The following SYBU variants were observed in gnomAD, a reference collection of about 807,000 sequenced individuals.
SYBU encodes GOLSYN A protein.
Under a neutral mutation model 35.9 loss-of-function variants are expected in SYBU, and 21 were observed. That is an observed-to-expected ratio of 0.58 (90% CI 0.41 to 0.84). The LOEUF is 0.84. Among genes scored for constraint, SYBU ranks in the 40% least tolerant of loss-of-function variants. The probability of loss-of-function intolerance (pLI) is 0.00; values close to 1 mark genes in which losing one functional copy is unlikely to be tolerated. For synonymous variants in SYBU, 319 were observed against 324.3 expected (o/e 0.98, Z 0.18); for missense variants, 768 against 848.2 (o/e 0.91, Z 1.17).
chr8:109,577,820 G>T (rs780852841), intron 6 of SYBU, 48 bp downstream of exon 6: 9 of 1,500,448 alleles, frequency 6.0e-6, no homozygotes, highest in Non-Finnish European at 7.2e-6. Flanking sequence ...TCATTTTATG[G>T]AGAAAGAAGT....
At chr8:109,658,786 T>A (rs1323149665) in intron 1 of SYBU, among the ~76,000 whole-genome samples, 3 of 152,094 alleles carry the variant, frequency 2.0e-5, no homozygotes, top group African/African-American at 7.2e-5. Context: ...AAACCCCATC[T>A]CTATGAAAAA....
At chr8:109,603,276 ACTCCCACTCATCC>A in intron 3 of SYBU, 1 of 310,114 alleles carries the variant, frequency 3.2e-6, no homozygotes, top group Non-Finnish European at 4.7e-6. Context: ...ATGTTTTTGA[ACTCCCACTCATCC>A]TTCCAAAAAC....
intron 3 of SYBU, among the ~76,000 whole-genome samples, chr8:109,589,254 A>G (rs547483500): frequency 1.3e-5 from 2 of 150,646 alleles, no homozygotes; most frequent in African/African-American, 2.4e-5. Flanking sequence ...CTCCTAACCC[A>G]TATTAGGTGG....
At chr8:109,599,725 GA>G (rs2130018438) in intron 3 of SYBU, among the ~76,000 whole-genome samples, 1 of 152,300 alleles carries the variant, frequency 6.6e-6, no homozygotes, top group South Asian at 2.1e-4. Context: ...CTACTCCAGA[GA>G]AGAAACCTCA....
At chr8:109,625,142 A>G (rs908730422) in intron 2 of SYBU, among the ~76,000 whole-genome samples, 4 of 152,110 alleles carry the variant, frequency 2.6e-5, no homozygotes, top group Non-Finnish European at 4.4e-5. Flanking sequence ...TTTTTAAAAA[A>G]AAAAGTTATG....
chr8:109,592,468 C>T (rs1824397373), intron 3 of SYBU, among the ~76,000 whole-genome samples: 1 of 152,168 alleles, frequency 6.6e-6, no homozygotes, highest in Non-Finnish European at 1.5e-5. Flanking sequence ...CTGCAGCTCT[C>T]ATCTTTGCAG....
rs1815394243 is a variant in SYBU at position 109,644,653 on chromosome 8, G to T, written c.7C>A (p.Pro3Thr). 6.6e-7 allele frequency: 1 copy of T among 1,525,254 alleles called. No homozygotes were observed. Among genetic ancestry groups the T allele is most frequent in the South Asian group, 1.2e-5 (1 of 83,250 alleles). 94.5% of individuals were successfully genotyped at this position (1,525,254 alleles called of 1,614,324 possible). Residue 3 changes from proline (P) to threonine (T), a missense_variant, in exon 1 of 7, where the codon CCC (proline) becomes ACC (threonine). Coordinates refer to ENST00000276646, the MANE Select transcript of SYBU (RefSeq NM_001099754.2). The part of the protein sequence containing the change: MG[P>T]LRESKKEHRV... ...CTCCTTACCTTGCTCTCGCGGAGGG[G>T]CCCCATCGCGCCGCTGCCCGCCGGC...
chr8:109,665,595 A>T (rs1411117725), intron 1 of SYBU, among the ~76,000 whole-genome samples: 1 of 152,214 alleles, frequency 6.6e-6, no homozygotes, highest in Non-Finnish European at 1.5e-5. Flanking sequence ...ACTTCAAATC[A>T]GCTAATTAAT....
intron 1 of SYBU, among the ~76,000 whole-genome samples, chr8:109,650,048 AAC>A (rs1281625247): frequency 6.6e-6 from 1 of 152,190 alleles, no homozygotes; most frequent in Non-Finnish European, 1.5e-5. Flanking sequence ...TTCCCCAAGA[AAC>A]CAGAAAGTGT....
intron 1 of SYBU, chr8:109,644,118 C>T (rs567240684): frequency 4.4e-6 from 2 of 457,468 alleles, no homozygotes; most frequent in South Asian, 1.5e-5. Context: ...GAAGGGTAAA[C>T]CTCAGCAATG....
intron 2 of SYBU, among the ~76,000 whole-genome samples, chr8:109,621,071 C>A (rs1220573102): frequency 6.6e-6 from 1 of 152,144 alleles, no homozygotes; most frequent in African/African-American, 2.4e-5. Context: ...AGAGAGATGT[C>A]CCCACAAAAT....
In SYBU at chr8:109,651,279, C is replaced by T. The variant is rs1184970656; in HGVS notation, c.-129+29432G>A. On this transcript the variant is annotated intron_variant, in intron 1 of 5. Transcript: ENST00000408889. Reference sequence around the variant, plus strand: ...AGAGGCTGGTAGAAAAGTACCTGTGCCCCTTTCTAATCAGAAGCCCAGCTA... The same window carrying T: ...AGAGGCTGGTAGAAAAGTACCTGTGTCCCTTTCTAATCAGAAGCCCAGCTA... Among the ~76,000 whole-genome samples, 4 of 152,214 alleles carry T rather than the reference C, an allele frequency of 2.6e-5. No individual in the cohort carries two copies. The East Asian group carries it at 7.7e-4, about 29-fold the overall frequency.
Position 109,575,686 on chromosome 8 carries a change from G to C in SYBU, c.1212C>G (p.Asn404Lys). The change falls in exon 7 of 7, where the codon AAC (asparagine) becomes AAG (lysine). Residue 404 changes from asparagine (N) to lysine (K), a missense_variant. Coordinates refer to ENST00000276646, the MANE Select transcript of SYBU (RefSeq NM_001099754.2). The stretch of plus-strand genomic sequence containing the variant: ...CATCTGCCATTGTGTCAAGAGGGGG[G>C]TTGAGGGTTAAGCTCTTCTCTGGGG... The part of the protein sequence containing the change: ...CDSPEKSLTL[N>K]PPLDTMADGL... 6.2e-7 allele frequency: 1 copy of C among 1,614,132 alleles called. No individual in the cohort carries two copies. Among genetic ancestry groups the C allele is most frequent in the South Asian group, 1.1e-5 (1 of 91,076 alleles).
In SYBU at chr8:109,575,897, A is replaced by G; in HGVS notation, c.1001T>C (p.Ile334Thr). ...TTCGATGACCTGTTTGAGCTGTTTA[A>G]TCTCTTTCCTGGCTTCTTTGAGTGC... ...QLALKEARKE[I>T]KQLKQVIETM... is the part of the protein sequence containing the mutation. Residue 334 changes from isoleucine (I) to threonine (T), a missense_variant, in exon 7 of 7, where the codon ATT becomes ACT. Transcript: ENST00000276646. 6.2e-7 allele frequency: 1 copy of G among 1,613,722 alleles called. No homozygotes were observed. The highest frequency in any genetic ancestry group is 2.2e-5 in the East Asian group (1 of 44,846).
Position 109,644,647 on chromosome 8 carries a change from G to T in SYBU, c.13C>A (p.Arg5Ser), listed in dbSNP as rs1490967920. The change falls in exon 1 of 7, where the codon CGC (arginine) becomes AGC (serine). Residue 5 changes from arginine (R) to serine (S), a missense_variant. Transcript: ENST00000276646. MGPL[R>S]ESKKEHRVQH... Reference sequence around the variant, plus strand: ...CCCGCGCTCCTTACCTTGCTCTCGCGGAGGGGCCCCATCGCGCCGCTGCCC... The same window carrying T: ...CCCGCGCTCCTTACCTTGCTCTCGCTGAGGGGCCCCATCGCGCCGCTGCCC... 2 of 1,530,274 alleles carry T rather than the reference G, an allele frequency of 1.3e-6. No homozygotes were observed. Among genetic ancestry groups the T allele is most frequent in the East Asian group, 2.6e-5 (1 of 38,764 alleles). 94.8% of individuals were successfully genotyped at this position (1,530,274 alleles called of 1,614,324 possible).
intron 3 of SYBU, among the ~76,000 whole-genome samples, chr8:109,613,215 C>T (rs1811387245): frequency 1.3e-5 from 2 of 152,122 alleles, no homozygotes; most frequent in African/African-American, 4.8e-5. Context: ...GTTCCAAGTA[C>T]ATGCAAATTG....
At chr8:109,581,845 G>T (rs114034471) in intron 4 of SYBU, among the ~76,000 whole-genome samples, 2,153 of 152,164 alleles carry the variant, frequency 0.014, 58 homozygotes, top group African/African-American at 0.05. Flanking sequence ...AAGTTCTAAA[G>T]TTAAAGTTAT....
intron 1 of SYBU, chr8:109,643,262 T>C: frequency 1.1e-6 from 1 of 884,966 alleles, no homozygotes; most frequent in Non-Finnish European, 1.4e-6. Flanking sequence ...TCTATCACAT[T>C]CAAGCTTCTG....
intron 6 of SYBU, 113 bp downstream of exon 6, chr8:109,577,755 A>C: frequency 4.8e-6 from 6 of 1,246,020 alleles, no homozygotes; most frequent in Non-Finnish European, 5.5e-6. Context: ...AATTTGACCA[A>C]AATTGAATAC....
Sources: gnomAD v4.1 joint callset for allele counts (sites outside exome capture counted in the v4.1 genomes callset) on GRCh38, gnomAD v4.1.1 for gene constraint, MANE v1.5 for transcripts, NCBI Gene and HGNC (gene_info 2026-07-23, HGNC 2026-07-21) for gene names.